TBC1D4: variants seen among roughly 807,000 people sequenced by gnomAD.
TBC1D4 encodes TBC1 domain family member 4, also known as TBC (Tre-2, BUB2, CDC16) domain-containing protein.
A neutral mutation model predicts 142.5 loss-of-function variants in TBC1D4; 121 were observed. That is an observed-to-expected ratio of 0.85 (90% confidence interval 0.73 to 0.99). The LOEUF is 0.99. Among genes scored for constraint, TBC1D4 ranks in the 50% least tolerant of loss-of-function variants. TBC1D4 has a pLI of 0.00. For synonymous variants in TBC1D4, 630 were observed against 628.2 expected, an observed-to-expected ratio of 1.00 and a Z score of -0.04; for missense variants, 1,475 against 1,606.6, an observed-to-expected ratio of 0.92 and a Z score of 1.40.
chr13:75,306,411 C>T lies in TBC1D4; in HGVS notation c.2654G>A (p.Cys885Tyr), dbSNP rs764657106. The change falls in exon 15 of 21, where the codon TGT becomes TAT. Residue 885 changes from cysteine to tyrosine, a missense_variant. Cys to Tyr is a radical substitution (Grantham distance 194, BLOSUM62 -2). Coordinates refer to ENST00000377636, the MANE Select transcript of TBC1D4 (RefSeq NM_014832.5). ...VKLDYEEVGACQKEVLITWDK... is the reference protein window; with the variant it reads ...VKLDYEEVGAYQKEVLITWDK... ...CCAAGTTATTAAGACCTCTTTCTGA[C>T]ATGCACCAACTTCTTCATAGTCTAA... The T allele has an allele frequency of 5.6e-6, 9 of 1,613,522 alleles. No homozygotes were observed. In the South Asian group the frequency reaches 8.8e-5, roughly 16 times the overall value.
intron 1 of TBC1D4, among the ~76,000 whole-genome samples, chr13:75,460,496 G>A (rs553154482): frequency 2.0e-5 from 3 of 152,078 alleles, no homozygotes; most frequent in African/African-American, 7.2e-5. Flanking sequence ...GGCCAGGTGG[G>A]CACGAGGAAT....
At chr13:75,437,655 T>C (rs1263567764) in intron 1 of TBC1D4, among the ~76,000 whole-genome samples, 2 of 151,976 alleles carry the variant, frequency 1.3e-5, no homozygotes, top group African/African-American at 4.8e-5. Context: ...TACACCGATA[T>C]ACAGTTTTTC....
chr13:75,348,521 T>C (rs1022975855), intron 5 of TBC1D4, among the ~76,000 whole-genome samples: 4 of 152,184 alleles, frequency 2.6e-5, no homozygotes, highest in African/African-American at 7.2e-5. Flanking sequence ...TTTTGTCTTG[T>C]ATAGTAGTTT....
At chr13:75,401,601 C>A (rs1885098245) in intron 1 of TBC1D4, among the ~76,000 whole-genome samples, 1 of 152,106 alleles carries the variant, frequency 6.6e-6, no homozygotes, top group African/African-American at 2.4e-5. Context: ...AAGAAATTCT[C>A]TTTTTTAGCA....
At chr13:75,351,545 A>G (rs926893345) in intron 4 of TBC1D4, among the ~76,000 whole-genome samples, 13 of 151,668 alleles carry the variant, frequency 8.6e-5, no homozygotes, top group African/African-American at 3.1e-4. Context: ...CATTAGGTAT[A>G]TCTCCTAAGG....
chr13:75,421,025 CT>C (rs1886145429), intron 1 of TBC1D4, among the ~76,000 whole-genome samples: 1 of 152,218 alleles, frequency 6.6e-6, no homozygotes, highest in Non-Finnish European at 1.5e-5. Context: ...AAAAACATCA[CT>C]CTTTGCTTAA....
chr13:75,424,652 G>C (rs191679994), intron 1 of TBC1D4, among the ~76,000 whole-genome samples: 131 of 152,250 alleles, frequency 8.6e-4, no homozygotes, highest in African/African-American at 3.1e-3. Flanking sequence ...CATGGTACTA[G>C]CATAAAAGCA....
intron 8 of TBC1D4, among the ~76,000 whole-genome samples, chr13:75,333,189 C>T (rs1171979048): frequency 1.3e-5 from 2 of 152,102 alleles, no homozygotes; most frequent in Non-Finnish European, 2.9e-5. Context: ...GGCCAAGAGA[C>T]TTTAAAAAGT....
intron 20 of TBC1D4, among the ~76,000 whole-genome samples, chr13:75,288,450 C>T (rs1874917927): frequency 6.6e-6 from 1 of 152,160 alleles, no homozygotes; most frequent in African/African-American, 2.4e-5. Flanking sequence ...CTGCCTCTAT[C>T]ATATTTACCC....
intron 1 of TBC1D4, among the ~76,000 whole-genome samples, chr13:75,383,097 G>T (rs749299076): frequency 2.3e-4 from 35 of 152,150 alleles, no homozygotes; most frequent in Non-Finnish European, 4.6e-4. Flanking sequence ...AGAGGCAGGC[G>T]GCTCACTTGA....
chr13:75,328,663 C>T (rs1017520263), intron 8 of TBC1D4, among the ~76,000 whole-genome samples: 6 of 151,944 alleles, frequency 3.9e-5, no homozygotes, highest in Admixed American at 1.3e-4. Flanking sequence ...GAGCATGTGG[C>T]GAAGTTCTAA....
At chr13:75,352,644 G>A (rs1881695819) in intron 4 of TBC1D4, among the ~76,000 whole-genome samples, 1 of 152,204 alleles carries the variant, frequency 6.6e-6, no homozygotes, top group Non-Finnish European at 1.5e-5. Context: ...AAAGAAGGGA[G>A]AAGGTTGGGA....
At chr13:75,457,852 C>A (rs962530860) in intron 1 of TBC1D4, among the ~76,000 whole-genome samples, 1 of 152,196 alleles carries the variant, frequency 6.6e-6, no homozygotes, top group Non-Finnish European at 1.5e-5. Context: ...TCTCATGGGT[C>A]TTACAACAGG....
Position 75,324,352 on chromosome 13 carries a change from T to C in TBC1D4, c.2083A>G (p.Ser695Gly). ...AAGGAAGTGTGAAGACTTGGAAGACTGGAGGAAGAATTACTCTCCTTGTAC... is the reference window on the plus strand; with the variant it reads ...AAGGAAGTGTGAAGACTTGGAAGACCGGAGGAAGAATTACTCTCCTTGTAC... ...RMYKESNSSS[S>G]LPSLHTSFSA... The change falls in exon 11 of 21, where the codon AGT (serine) becomes GGT (glycine). Residue 695 changes from serine to glycine, a missense_variant. This residue lies in a region of TBC1D4 where 1,227 missense variants were observed against 1,267.7 expected (regional missense o/e 0.97). Transcript: ENST00000377636. 6.2e-7 allele frequency: 1 copy of C among 1,614,056 alleles called. No individual in the cohort carries two copies. The highest frequency in any genetic ancestry group is 8.5e-7 in the Non-Finnish European group (1 of 1,179,934).
intron 20 of TBC1D4, among the ~76,000 whole-genome samples, chr13:75,288,258 G>A (rs7325748): frequency 0.3 from 45,156 of 151,744 alleles, 7,856 homozygotes; most frequent in African/African-American, 0.48. Context: ...CTCATCATCC[G>A]CAACAGATTT....
intron 1 of TBC1D4, among the ~76,000 whole-genome samples, chr13:75,421,956 G>A (rs528937241): frequency 1.3e-5 from 2 of 152,264 alleles, no homozygotes; most frequent in East Asian, 1.9e-4. Flanking sequence ...CACATTTCGG[G>A]TATTAAATAC....
intron 3 of TBC1D4, among the ~76,000 whole-genome samples, chr13:75,358,008 T>TTC (rs1555309849): frequency 6.6e-6 from 1 of 151,776 alleles, no homozygotes; most frequent in Non-Finnish European, 1.5e-5. Context: ...TCTATTTTTT[T>TTC]TTCTTTTAGC....
intron 1 of TBC1D4, among the ~76,000 whole-genome samples, chr13:75,454,848 T>C (rs1265299367): frequency 2.6e-5 from 4 of 152,212 alleles, no homozygotes; most frequent in Non-Finnish European, 5.9e-5. Context: ...ATCTGTAAAG[T>C]CCTTTACATA....
chr13:75,303,370 C>T (rs1876792492), intron 15 of TBC1D4, among the ~76,000 whole-genome samples: 1 of 152,074 alleles, frequency 6.6e-6, no homozygotes, highest in Admixed American at 6.5e-5. Context: ...AACTGATATG[C>T]TCCAGAACAA....
Sources: gnomAD v4.1 joint callset for allele counts (sites outside exome capture counted in the v4.1 genomes callset) on GRCh38, gnomAD v4.1.1 for gene constraint, gnomAD v4.1.1 regional missense constraint, MANE v1.5 for transcripts, NCBI Gene and HGNC (gene_info 2026-07-23, HGNC 2026-07-21) for gene names.